EVL: variants seen among roughly 807,000 people sequenced by gnomAD.
EVL encodes the protein ena/VASP-like protein.
In EVL, 21 loss-of-function variants were observed where a neutral mutation model predicts 59.6. The observed-to-expected ratio is 0.35, with a 90% CI of 0.25 to 0.51. EVL has a LOEUF of 0.51. EVL is among the 20% of genes least tolerant of loss of function. The pLI is 0.97. For missense variants in EVL, 462 were observed against 546.6 expected (o/e 0.85, Z 1.54); for synonymous variants, 198 against 203.5 (o/e 0.97, Z 0.23).
intron 9 of EVL, chr14:100,137,156 A>T (rs751829599): frequency 4.0e-5 from 9 of 223,036 alleles, no homozygotes; most frequent in Non-Finnish European, 8.1e-5. Context: ...CCAGAATGGG[A>T]CAGAGCCAGG....
upstream of EVL, among the ~76,000 whole-genome samples, chr14:100,063,740 G>A (rs993855963): frequency 2.0e-5 from 3 of 152,080 alleles, no homozygotes; most frequent in Non-Finnish European, 4.4e-5. Flanking sequence ...CACTGCACCC[G>A]ACCAGTTTCA....
chr14:100,004,383 T>C (rs376907441), intron 1 of EVL, among the ~76,000 whole-genome samples: 59 of 152,224 alleles, frequency 3.9e-4, no homozygotes, highest in African/African-American at 1.3e-3. Context: ...GGTTGAACTT[T>C]GGGTTAAAAA....
At chr14:100,001,485 T>G (rs2060946032) in intron 1 of EVL, among the ~76,000 whole-genome samples, 1 of 152,212 alleles carries the variant, frequency 6.6e-6, no homozygotes, top group South Asian at 2.1e-4. Context: ...TAGGACTGAT[T>G]TGCTTTATTA....
chr14:100,103,487 C>T (rs569405788), intron 3 of EVL, among the ~76,000 whole-genome samples: 11 of 152,208 alleles, frequency 7.2e-5, no homozygotes, highest in South Asian at 2.1e-4. Context: ...TCTGTCTCCC[C>T]GCTTGGCCTC....
upstream of EVL, among the ~76,000 whole-genome samples, chr14:100,063,756 C>G (rs2061878008): frequency 1.3e-5 from 2 of 152,202 alleles, no homozygotes; most frequent in African/African-American, 4.8e-5. Flanking sequence ...TTTCAGAATA[C>G]ACATTCTTTC....
intron 1 of EVL, among the ~76,000 whole-genome samples, chr14:100,038,645 G>A (rs970994615): frequency 2.0e-5 from 3 of 152,164 alleles, no homozygotes; most frequent in Non-Finnish European, 2.9e-5. Context: ...ATAATAAAAA[G>A]CTTAAACAGA....
chr14:100,073,313 C>G (rs924069223), intron 1 of EVL, among the ~76,000 whole-genome samples: 1 of 150,844 alleles, frequency 6.6e-6, no homozygotes, highest in African/African-American at 2.5e-5. Flanking sequence ...AGCACTTTTT[C>G]CTTTTTCTTT....
In EVL at chr14:100,043,605, CTTTT is replaced by C. The variant is rs540453599; in HGVS notation, c.6-41066_6-41063del. ...GAGAGGGAATTCACCTTTCCTCTGC[CTTTT>C]TTTTTTTTTTTTTTTCTTTTAGAGA... On this transcript the variant is annotated intron_variant, in intron 1 of 13. Transcript: ENST00000402714. Among the ~76,000 whole-genome samples the C allele has an allele frequency of 9.3e-3, 1,185 of 127,230 alleles. 7 individuals are homozygous for C. The highest frequency in any genetic ancestry group is 0.016 in the Non-Finnish European group (972 of 60,860). The allele number at this position is 127,230 out of a possible 152,430, so 83.5% of individuals were successfully genotyped here. A position where few individuals can be genotyped will look rare whatever the true frequency, so the allele number is the denominator to read the frequency against.
chr14:100,073,782 A>G (rs1344345922), intron 1 of EVL, among the ~76,000 whole-genome samples: 1 of 152,174 alleles, frequency 6.6e-6, no homozygotes, highest in African/African-American at 2.4e-5. Context: ...TTATTCAAAG[A>G]TATTTGTTGA....
At chr14:99,998,431 T>C (rs1268336793) in intron 1 of EVL, among the ~76,000 whole-genome samples, 1 of 152,220 alleles carries the variant, frequency 6.6e-6, no homozygotes, top group Non-Finnish European at 1.5e-5. Flanking sequence ...CTTATCACTT[T>C]AATGCTGTCA....
At chr14:100,050,663 TTAA>T (rs2061632783) in intron 1 of EVL, among the ~76,000 whole-genome samples, 1 of 151,488 alleles carries the variant, frequency 6.6e-6, no homozygotes, top group Non-Finnish European at 1.5e-5. Flanking sequence ...TTAAAAATAT[TTAA>T]TAATTCATAT....
At chr14:100,107,550 A>C in intron 3 of EVL, 1 of 364,632 alleles carries the variant, frequency 2.7e-6, no homozygotes, top group Non-Finnish European at 4.9e-6. Flanking sequence ...TCCCTCATGA[A>C]AGATCACTTT....
Position 100,127,720 on chromosome 14 carries a change from C to T in EVL, c.488-799C>T, listed in dbSNP as rs114327030. Among the ~76,000 whole-genome samples the T allele has an allele frequency of 0.026, 3,996 of 152,316 alleles. 177 individuals carry two copies. The highest frequency in any genetic ancestry group is 0.091 in the African/African-American group (3,766 of 41,564). On this transcript the variant is annotated intron_variant, in intron 5 of 13. Transcript: ENST00000392920. This position sits in a 1 kb window ranked among gnomAD's most constrained non-coding sequence, Gnocchi z 4.2. ...CGTGTCCCAGCTCCACAGTCACTTC[C>T]GTGAGGACGTCATGGAGGACGTCCG...
At position 100,128,659 on chromosome 14, in the gene EVL, G is replaced by A. The variant is rs780661759; in HGVS notation, c.628G>A (p.Gly210Arg). Residue 210 changes from glycine (G) to arginine (R), a missense_variant, in exon 6 of 14, where the codon GGA becomes AGA. Gly to Arg is a moderately radical substitution (Grantham distance 125, BLOSUM62 -2). Transcript: ENST00000392920. ...TPPPPPPLPA[G>R]GAQGSSHDES... Reference sequence around the variant, plus strand: ...ACCTCCCCCACCCCCACTGCCAGCCGGAGGAGCCCAGGGGTCCAGCCACGA... The same window carrying A: ...ACCTCCCCCACCCCCACTGCCAGCCAGAGGAGCCCAGGGGTCCAGCCACGA... 1.6e-5 allele frequency: 20 copies of A among 1,245,480 alleles called. No individual in the cohort carries two copies. The highest frequency in any genetic ancestry group is 8.6e-5 in the African/African-American group (5 of 58,082). 77.2% of individuals were successfully genotyped at this position (1,245,480 alleles called of 1,614,324 possible).
intron 2 of EVL, 69 bp from the exon 3 acceptor site, chr14:100,097,412 A>G: frequency 7.0e-7 from 1 of 1,430,764 alleles, no homozygotes; most frequent in Middle Eastern, 1.9e-4. Context: ...TACTTGCTCC[A>G]TCGCAGCGCC....
intron 1 of EVL, among the ~76,000 whole-genome samples, chr14:99,991,424 C>A (rs1460802075): frequency 6.6e-6 from 1 of 152,178 alleles, no homozygotes; most frequent in Non-Finnish European, 1.5e-5. Flanking sequence ...TCTGAATCAT[C>A]AGAATCGTCT....
At chr14:100,137,340 G>A in intron 9 of EVL, 1 of 568,474 alleles carries the variant, frequency 1.8e-6, no homozygotes, top group Non-Finnish European at 3.2e-6. Context: ...ACATTCCAGA[G>A]AGACCTGGCA....
At chr14:100,069,872 A>G (rs956304287) in intron 1 of EVL, among the ~76,000 whole-genome samples, 1 of 152,072 alleles carries the variant, frequency 6.6e-6, no homozygotes, top group Non-Finnish European at 1.5e-5. Context: ...TACATGATAT[A>G]CATACTATTT....
At chr14:100,012,057 A>C (rs944893324) in intron 1 of EVL, among the ~76,000 whole-genome samples, 1 of 152,212 alleles carries the variant, frequency 6.6e-6, no homozygotes, top group African/African-American at 2.4e-5. Context: ...TGGAGCTGGG[A>C]CCACAGCCCA....
Sources: allele counts gnomAD v4.1 joint callset (sites outside exome capture counted in the v4.1 genomes callset), GRCh38; gene constraint gnomAD v4.1.1; non-coding constraint Gnocchi (gnomAD v3.1); transcripts MANE v1.5; gene names NCBI Gene and HGNC (gene_info 2026-07-23, HGNC 2026-07-21).